Variants in NR3C2 observed in about 807,000 individuals in gnomAD.
NR3C2 encodes mineralocorticoid receptor.
Under a neutral mutation model 86.4 loss-of-function variants are expected in NR3C2, and 15 were observed. That is an observed-to-expected ratio of 0.17 (90% CI 0.12 to 0.27). NR3C2 has a LOEUF of 0.27. Ranked by LOEUF, NR3C2 falls within the 10% of genes least tolerant of loss-of-function variation. The pLI is 1.00. For missense variants in NR3C2, 960 were observed against 1,195.6 expected (o/e 0.80, Z 2.91); for synonymous variants, 458 against 450.5 (o/e 1.02, Z -0.21).
At chr4:148,122,581 T>G (rs190399405) in intron 6 of NR3C2, among the ~76,000 whole-genome samples, 1 of 152,334 alleles carries the variant, frequency 6.6e-6, no homozygotes, top group African/African-American at 2.4e-5. Flanking sequence ...CTCTTTCCCT[T>G]CTTCCTCCTT....
chr4:148,176,011 C>T (rs1735359332), intron 4 of NR3C2, among the ~76,000 whole-genome samples: 1 of 152,136 alleles, frequency 6.6e-6, no homozygotes, highest in Non-Finnish European at 1.5e-5. Flanking sequence ...TTAAATTGTT[C>T]ATAAAGCTTG....
intron 6 of NR3C2, among the ~76,000 whole-genome samples, chr4:148,128,138 C>T (rs1435766797): frequency 1.3e-5 from 2 of 152,166 alleles, no homozygotes; most frequent in East Asian, 3.9e-4. Context: ...GACTTGGGTG[C>T]TGGCTGCCTG....
chr4:148,196,634 G>A (rs2149804239), intron 3 of NR3C2, among the ~76,000 whole-genome samples: 1 of 152,222 alleles, frequency 6.6e-6, no homozygotes, highest in South Asian at 2.1e-4. Context: ...TAAAAATAAT[G>A]TGCATCACTT....
At chr4:148,370,488 T>C (rs1347348171) in intron 2 of NR3C2, among the ~76,000 whole-genome samples, 1 of 152,196 alleles carries the variant, frequency 6.6e-6, no homozygotes, top group Non-Finnish European at 1.5e-5. Context: ...TAATTAGCCT[T>C]CCTACATAAC....
At chr4:148,288,516 C>G (rs1423431928) in intron 2 of NR3C2, among the ~76,000 whole-genome samples, 1 of 152,224 alleles carries the variant, frequency 6.6e-6, no homozygotes, top group African/African-American at 2.4e-5. Flanking sequence ...TGAGAGGTCC[C>G]TCAATCAACC....
intron 3 of NR3C2, among the ~76,000 whole-genome samples, chr4:148,250,959 G>C (rs769101431): frequency 2.0e-5 from 3 of 151,678 alleles, no homozygotes; most frequent in East Asian, 1.9e-4. Flanking sequence ...TTTTTTTTGG[G>C]GGGGAGTGGG....
intron 2 of NR3C2, among the ~76,000 whole-genome samples, chr4:148,378,647 G>A (rs913469265): frequency 3.9e-5 from 6 of 152,126 alleles, no homozygotes; most frequent in African/African-American, 1.2e-4. Context: ...TGTAAGACGT[G>A]CCTGCTTCTC....
chr4:148,430,984 T>G (rs894651128), intron 2 of NR3C2, among the ~76,000 whole-genome samples: 3 of 152,170 alleles, frequency 2.0e-5, no homozygotes, highest in East Asian at 3.8e-4. Flanking sequence ...CCCTTTGAAA[T>G]AGTAAACTTT....
chr4:148,429,953 GAAAA>G (rs1749723542), intron 2 of NR3C2, among the ~76,000 whole-genome samples: 1 of 152,058 alleles, frequency 6.6e-6, no homozygotes, highest in Non-Finnish European at 1.5e-5. Flanking sequence ...TGAAAGTGAA[GAAAA>G]AAGTACTACT....
At chr4:148,320,760 TTCTC>T (rs1035184098) in intron 2 of NR3C2, among the ~76,000 whole-genome samples, 6 of 152,018 alleles carry the variant, frequency 3.9e-5, no homozygotes, top group East Asian at 1.9e-4. Flanking sequence ...TATTTGATTC[TTCTC>T]TCTTTTTTTC....
intron 2 of NR3C2, among the ~76,000 whole-genome samples, chr4:148,416,155 C>A (rs1221365552): frequency 6.6e-6 from 1 of 152,074 alleles, no homozygotes; most frequent in Non-Finnish European, 1.5e-5. Context: ...TTTGGCTAAT[C>A]GCCAATTCAC....
chr4:148,325,543 A>C (rs922650165), intron 2 of NR3C2, among the ~76,000 whole-genome samples: 1 of 152,212 alleles, frequency 6.6e-6, no homozygotes, highest in Non-Finnish European at 1.5e-5. Context: ...ACACTGCTTG[A>C]AATCTTAGTA....
chr4:148,187,953 C>G (rs766934232), intron 4 of NR3C2, among the ~76,000 whole-genome samples: 1 of 152,100 alleles, frequency 6.6e-6, no homozygotes, highest in Non-Finnish European at 1.5e-5. Flanking sequence ...GGCAATTATC[C>G]CAGCACCATT....
chr4:148,281,669 A>C (rs1741250163), intron 2 of NR3C2, among the ~76,000 whole-genome samples: 1 of 152,180 alleles, frequency 6.6e-6, no homozygotes, highest in Non-Finnish European at 1.5e-5. Context: ...CTCAATAACC[A>C]CATTCTCTGA....
intron 2 of NR3C2, among the ~76,000 whole-genome samples, chr4:148,281,004 G>A (rs1741207011): frequency 6.6e-6 from 1 of 152,190 alleles, no homozygotes; most frequent in African/African-American, 2.4e-5. Context: ...CCCAGTCTCC[G>A]CTCCTTGGGC....
At chr4:148,335,582 TAAAA>T (rs1744445395) in intron 2 of NR3C2, among the ~76,000 whole-genome samples, 1 of 152,130 alleles carries the variant, frequency 6.6e-6, no homozygotes, top group Non-Finnish European at 1.5e-5. Flanking sequence ...GCTAAATTGG[TAAAA>T]TTTATTTAAA....
rs199563185 is a variant in NR3C2 at position 148,134,625 on chromosome 4, TTCTCTCTC to T, written c.2511-14345_2511-14338del. On this transcript the variant is annotated intron_variant, in intron 6 of 8. Transcript: ENST00000358102. The stretch of plus-strand genomic sequence containing the variant: ...CCTTAAAAGTGTTAGCTCCCTGTGA[TTCTCTCTC>T]TCTCTCTCTCTTTTTTTTTTTTTTT... Among the ~76,000 whole-genome samples, 159 of 101,038 alleles carry T rather than the reference TTCTCTCTC, an allele frequency of 1.6e-3. 6 individuals are homozygous for T. The highest frequency in any genetic ancestry group is 6.1e-3 in the African/African-American group (150 of 24,778). 66.3% of individuals were successfully genotyped at this position (101,038 alleles called of 152,430 possible).
chr4:148,417,933 C>T (rs1749092072), intron 2 of NR3C2, among the ~76,000 whole-genome samples: 1 of 152,150 alleles, frequency 6.6e-6, no homozygotes, highest in African/African-American at 2.4e-5. Flanking sequence ...AGATTTCTGA[C>T]ATTTTTACTG....
intron 2 of NR3C2, among the ~76,000 whole-genome samples, chr4:148,267,286 A>ATT (rs571694919): frequency 3.2e-4 from 44 of 139,078 alleles, no homozygotes; most frequent in African/African-American, 5.2e-4. Flanking sequence ...TTTTTTTTTA[A>ATT]TTTTTTTTTT....
Sources: gnomAD v4.1 joint callset for allele counts (sites outside exome capture counted in the v4.1 genomes callset) on GRCh38, gnomAD v4.1.1 for gene constraint, MANE v1.5 for transcripts, NCBI Gene and HGNC (gene_info 2026-07-23, HGNC 2026-07-21) for gene names.